AGBL4: variants seen among roughly 807,000 people sequenced by gnomAD.
AGBL4 encodes AGBL carboxypeptidase 4.
In AGBL4, 58 loss-of-function variants were observed where a neutral mutation model predicts 66.4. The observed-to-expected ratio is 0.87, with a 90% CI of 0.71 to 1.09. The LOEUF is 1.09. Ranked by LOEUF, AGBL4 falls within the 50% of genes least tolerant of loss-of-function variation. The pLI is 0.00. For synonymous variants in AGBL4, 234 were observed against 222.9 expected (o/e 1.05, Z -0.44); for missense variants, 579 against 631.0 (o/e 0.92, Z 0.88).
At chr1:49,304,597 G>A (rs1262644041) in intron 3 of AGBL4, among the ~76,000 whole-genome samples, 1 of 152,016 alleles carries the variant, frequency 6.6e-6, no homozygotes, top group African/African-American at 2.4e-5. Flanking sequence ...CTAAAACATG[G>A]GTAGGTGGAT....
chr1:48,789,710 G>C (rs1224659441), intron 6 of AGBL4, among the ~76,000 whole-genome samples: 1 of 152,118 alleles, frequency 6.6e-6, no homozygotes, highest in Non-Finnish European at 1.5e-5. Flanking sequence ...GAAAGGGAGG[G>C]AGACATACGT....
intron 1 of AGBL4, among the ~76,000 whole-genome samples, chr1:49,943,838 G>A (rs1263435759): frequency 1.3e-5 from 2 of 152,062 alleles, no homozygotes; most frequent in Non-Finnish European, 2.9e-5. Context: ...AGGCAGGGAA[G>A]CATGAAAGCC....
intron 3 of AGBL4, among the ~76,000 whole-genome samples, chr1:49,465,883 G>A (rs1194566619): frequency 6.6e-6 from 1 of 151,876 alleles, no homozygotes; most frequent in African/African-American, 2.4e-5. Context: ...TTTCTGTGGG[G>A]AGAAAGGTTG....
intron 4 of AGBL4, among the ~76,000 whole-genome samples, chr1:49,062,535 G>A (rs1003190975): frequency 2.6e-5 from 4 of 152,224 alleles, no homozygotes; most frequent in Admixed American, 6.5e-5. Flanking sequence ...ATGCATGAAT[G>A]AGAGTGTTAA....
chr1:49,285,542 G>A (rs886490749), intron 3 of AGBL4, among the ~76,000 whole-genome samples: 3 of 152,052 alleles, frequency 2.0e-5, no homozygotes, highest in Non-Finnish European at 4.4e-5. Context: ...GAAGGAAATA[G>A]AGACACAAAA....
intron 2 of AGBL4, among the ~76,000 whole-genome samples, chr1:49,788,481 G>A (rs1644515616): frequency 6.7e-6 from 1 of 148,364 alleles, no homozygotes; most frequent in Non-Finnish European, 1.5e-5. Context: ...TGGGCTTTTG[G>A]AAACAAAGAG....
intron 6 of AGBL4, among the ~76,000 whole-genome samples, chr1:48,849,733 G>C (rs1411108387): frequency 6.6e-6 from 1 of 152,182 alleles, no homozygotes; most frequent in Non-Finnish European, 1.5e-5. Flanking sequence ...AGCACTTTGG[G>C]AGGCCGAAGT....
At chr1:48,934,120 T>A in intron 5 of AGBL4, among the ~76,000 whole-genome samples, 1 of 152,346 alleles carries the variant, frequency 6.6e-6, no homozygotes, top group Non-Finnish European at 1.5e-5. Flanking sequence ...TGGTAAGGGA[T>A]TGAGAATAGG....
chr1:49,587,645 G>A (rs1294206961), intron 3 of AGBL4, among the ~76,000 whole-genome samples: 1 of 152,088 alleles, frequency 6.6e-6, no homozygotes, highest in Non-Finnish European at 1.5e-5. Context: ...TATCAGAATT[G>A]AAAGTCTGGC....
At chr1:49,707,367 C>CTTTTTTT (rs34368394) in intron 2 of AGBL4, among the ~76,000 whole-genome samples, 6 of 76,218 alleles carry the variant, frequency 7.9e-5, no homozygotes, top group African/African-American at 1.0e-4. Flanking sequence ...GCAACCCCTG[C>CTTTTTTT]TTTTTTTTTT....
intron 11 of AGBL4, among the ~76,000 whole-genome samples, chr1:48,560,889 T>G (rs1644386355): frequency 6.6e-6 from 1 of 152,258 alleles, no homozygotes; most frequent in Admixed American, 6.5e-5. Context: ...GTAACAACTC[T>G]ACATTGTGTA....
chr1:48,722,898 T>C (rs1352282964), intron 6 of AGBL4, among the ~76,000 whole-genome samples: 1 of 152,190 alleles, frequency 6.6e-6, no homozygotes, highest in Admixed American at 6.5e-5. Flanking sequence ...GGAACTAAGA[T>C]ACCGAATGCC....
intron 1 of AGBL4, among the ~76,000 whole-genome samples, chr1:49,916,366 A>C (rs1403680039): frequency 2.0e-5 from 3 of 152,216 alleles, no homozygotes; most frequent in Non-Finnish European, 2.9e-5. Context: ...TAACTACAAT[A>C]ACCAGTGTAG....
At chr1:49,995,197 G>A (rs1348235751) in intron 1 of AGBL4, 1 of 456,266 alleles carries the variant, frequency 2.2e-6, no homozygotes, top group South Asian at 1.5e-5. Context: ...GGGCAGGTGG[G>A]GAGGCACAAA....
intron 3 of AGBL4, among the ~76,000 whole-genome samples, chr1:49,655,862 G>C (rs1646117240): frequency 6.6e-6 from 1 of 152,068 alleles, no homozygotes; most frequent in South Asian, 2.1e-4. Context: ...AAATCATAAA[G>C]GGGGTGCTGG....
chr1:49,664,514 C>G (rs1475998447), intron 3 of AGBL4, among the ~76,000 whole-genome samples: 1 of 151,744 alleles, frequency 6.6e-6, no homozygotes, highest in Non-Finnish European at 1.5e-5. Context: ...ATTTCTTTAC[C>G]TGGTTAATAT....
rs138074955 is a variant in AGBL4 at position 49,388,244 on chromosome 1, T to C, written c.283-142380A>G. Among the ~76,000 whole-genome samples the C allele has an allele frequency of 2.8e-4, 43 of 152,186 alleles. 1 individual carries two copies. The highest frequency in any genetic ancestry group is 9.8e-4 in the Admixed American group (15 of 15,270). On this transcript the variant is annotated intron_variant, in intron 3 of 13. Transcript: ENST00000371839. ...TTTTCATAAAGGGCCTGATAGTAAA[T>C]AGTTTAGGCTTATAGGCCATAGAGT...
intron 2 of AGBL4, among the ~76,000 whole-genome samples, chr1:49,740,983 A>G (rs191157460): frequency 6.6e-6 from 1 of 152,214 alleles, no homozygotes; most frequent in East Asian, 1.9e-4. Context: ...CATCACAATT[A>G]AAATAACTAG....
At chr1:49,216,016 C>T (rs999880767) in intron 4 of AGBL4, among the ~76,000 whole-genome samples, 10 of 152,196 alleles carry the variant, frequency 6.6e-5, no homozygotes, top group East Asian at 1.9e-4. Flanking sequence ...TACTGACTTC[C>T]GTTACTTTGC....
Sources: allele counts gnomAD v4.1 joint callset (sites outside exome capture counted in the v4.1 genomes callset), GRCh38; gene constraint gnomAD v4.1.1; transcripts MANE v1.5; gene names NCBI Gene and HGNC (gene_info 2026-07-23, HGNC 2026-07-21).